The following CCR6 variants were observed in gnomAD, a reference collection of about 807,000 sequenced individuals.
CCR6 encodes C-C motif chemokine receptor 6.
CCR6 carries 2 observed loss-of-function variants against 3.0 expected under a neutral mutation model. That is an observed-to-expected ratio of 0.66 (90% confidence interval 0.27 to 2.07). CCR6 has a LOEUF of 2.07. Ranked by LOEUF, CCR6 falls within the 30% of genes most tolerant of loss-of-function variation. The pLI is 0.14. For synonymous variants in CCR6, 193 were observed against 184.3 expected (o/e 1.05, Z -0.38); for missense variants, 322 against 462.8 (o/e 0.70, Z 2.79).
intron 1 of CCR6, chr6:167,134,986 C>T (rs1039628166): frequency 2.6e-5 from 4 of 152,294 alleles, no homozygotes; most frequent in Non-Finnish European, 4.4e-5. Flanking sequence ...GCTCCACAAC[C>T]GCTCCAGCTC....
Position 167,137,051 on chromosome 6 carries a change from T to A in CCR6, c.821T>A (p.Leu274Gln). ...TGTCAGATTCCTCATAACATGGTCC[T>A]GCTTGTGACGGCTGCAAATTTGGGT... ...LACQIPHNMV[L>Q]LVTAANLGKM... Residue 274 changes from leucine to glutamine, a missense_variant, in exon 3 of 3, where the codon CTG (leucine) becomes CAG (glutamine). Leu to Gln is a moderately radical substitution (Grantham distance 113). Transcript: ENST00000341935. The surrounding 1 kb of genome is among the most constrained non-coding windows in gnomAD (Gnocchi z 4.6). 6.2e-7 allele frequency: 1 copy of A among 1,614,230 alleles called. No individual in the cohort carries two copies. Among genetic ancestry groups the A allele is most frequent in the Middle Eastern group, 1.6e-4 (1 of 6,062 alleles).
Position 167,136,380 on chromosome 6 carries a change from G to C in CCR6, c.150G>C (p.Pro50=). 6.2e-7 allele frequency: 1 copy of C among 1,614,110 alleles called. No individual in the cohort carries two copies. The highest frequency in any genetic ancestry group is 8.5e-7 in the Non-Finnish European group (1 of 1,180,006). Residue 50 remains proline (P), a synonymous_variant, in exon 3 of 3, where the codon CCG becomes CCC. Transcript: ENST00000341935. This position sits in a 1 kb window ranked among gnomAD's most constrained non-coding sequence, Gnocchi z 4.6. ...GGCAGTTCTCCAGGCTATTTGTACCGATTGCCTACTCCTTGATCTGTGTCT... is the reference window on the plus strand; with the variant it reads ...GGCAGTTCTCCAGGCTATTTGTACCCATTGCCTACTCCTTGATCTGTGTCT... The part of the protein sequence containing the change: ...EVRQFSRLFV[P]IAYSLICVFG...
Position 167,138,103 on chromosome 6 carries a change from CTT to C in CCR6, c.*749_*750del, listed in dbSNP as rs1169911539. On this transcript the variant is annotated 3_prime_UTR_variant, in exon 3 of 3. Transcript: ENST00000341935. ...GAGCTGTTCTCTGTCGTGAGTGTCTCTTGTCTAAACGTCCATTAAGCTGAGAG... is the reference window on the plus strand; with the variant it reads ...GAGCTGTTCTCTGTCGTGAGTGTCTCGTCTAAACGTCCATTAAGCTGAGAG... 1 of 152,336 alleles carries C rather than the reference CTT, an allele frequency of 6.6e-6. No homozygotes were observed. Among genetic ancestry groups the C allele is most frequent in the Non-Finnish European group, 1.5e-5 (1 of 68,062 alleles). 9.4% of individuals were successfully genotyped at this position (152,336 alleles called of 1,614,324 possible).
rs1390472440 is a variant in CCR6, at chr6:167,138,480, A to G, written c.*1125A>G. 6.6e-6 allele frequency: 1 copy of G among 152,318 alleles called. No individual in the cohort carries two copies. The highest frequency in any genetic ancestry group is 2.4e-5 in the African/African-American group (1 of 41,430). The allele number at this position is 152,318 out of a possible 1,614,324, so 9.4% of individuals were successfully genotyped here. A position where few individuals can be genotyped will look rare whatever the true frequency, so the allele number is the denominator to read the frequency against. On this transcript the variant is annotated 3_prime_UTR_variant, in exon 3 of 3. Transcript: ENST00000341935. ...TATGCTGGCTTCTGATAATTATTTT[A>G]AAGGGGTCTGAAATTTGTGATGGAA...
chr6:167,128,577 A>G (rs1781706979), intron 1 of CCR6, among the ~76,000 whole-genome samples: 1 of 152,032 alleles, frequency 6.6e-6, no homozygotes, highest in Admixed American at 6.6e-5. Flanking sequence ...TTGTATTTTT[A>G]TTTTTTATTT....
chr6:167,115,140 G>A (rs112279987), intron 1 of CCR6: 17 of 152,328 alleles, frequency 1.1e-4, no homozygotes, highest in Middle Eastern at 3.4e-3. Context: ...AGACAGCGGC[G>A]GGCTAATGGG....
intron 1 of CCR6, among the ~76,000 whole-genome samples, chr6:167,127,758 C>T (rs1022528948): frequency 3.9e-5 from 6 of 152,198 alleles, no homozygotes; most frequent in Non-Finnish European, 8.8e-5. Flanking sequence ...ACCTCAGCCT[C>T]CCAAGGTTCT....
At position 167,137,572 on chromosome 6, in the gene CCR6, T is replaced by G. The variant is rs990395012; in HGVS notation, c.*217T>G. 4 of 518,874 alleles carry G rather than the reference T, an allele frequency of 7.7e-6. No individual in the cohort carries two copies. The highest frequency in any genetic ancestry group is 5.7e-5 in the African/African-American group (3 of 52,588). The allele number at this position is 518,874 out of a possible 1,614,324, so 32.1% of individuals were successfully genotyped here. A position where few individuals can be genotyped will look rare whatever the true frequency, so the allele number is the denominator to read the frequency against. On this transcript the variant is annotated 3_prime_UTR_variant, in exon 3 of 3. Transcript: ENST00000341935. The surrounding 1 kb of genome is among the most constrained non-coding windows in gnomAD (Gnocchi z 4.6). Reference sequence around the variant, plus strand: ...TTTTCCAGCACTTTGCAAGGAATGTTTTGTAGCTCTAGGGTATATATCCGC... The same window carrying G: ...TTTTCCAGCACTTTGCAAGGAATGTGTTGTAGCTCTAGGGTATATATCCGC...
chr6:167,120,191 A>G (rs564284026), upstream of CCR6, among the ~76,000 whole-genome samples: 2 of 152,148 alleles, frequency 1.3e-5, no homozygotes, highest in East Asian at 1.9e-4. Context: ...AGGTACCATC[A>G]GAGAGTGGGT....
chr6:167,118,308 G>A (rs999628244), upstream of CCR6, among the ~76,000 whole-genome samples: 1 of 152,184 alleles, frequency 6.6e-6, no homozygotes, highest in African/African-American at 2.4e-5. Flanking sequence ...AAATCCTCGT[G>A]TATTGATTAG....
chr6:167,125,743 T>G (rs1329306304), intron 1 of CCR6, among the ~76,000 whole-genome samples: 1 of 152,242 alleles, frequency 6.6e-6, no homozygotes, highest in Non-Finnish European at 1.5e-5. Context: ...TTTTCATTTC[T>G]AAATGAATTA....
chr6:167,125,098 A>C (rs1781650913), intron 1 of CCR6, among the ~76,000 whole-genome samples: 1 of 151,746 alleles, frequency 6.6e-6, no homozygotes, highest in African/African-American at 2.4e-5. Flanking sequence ...AGACACATAC[A>C]TACACACACA....
At chr6:167,114,648 G>A (rs537109826) in intron 1 of CCR6, among the ~76,000 whole-genome samples, 1 of 152,336 alleles carries the variant, frequency 6.6e-6, no homozygotes, top group African/African-American at 2.4e-5. Flanking sequence ...CTGCTGTGAC[G>A]GCTGCTGTAA....
At chr6:167,116,761 C>G (rs975507628) in intron 1 of CCR6, 3 of 152,330 alleles carry the variant, frequency 2.0e-5, no homozygotes, top group Non-Finnish European at 4.4e-5. Context: ...AGGAGAAGGG[C>G]GACCGCCTCC....
chr6:167,134,082 T>C (rs1394418001), intron 1 of CCR6, among the ~76,000 whole-genome samples: 5 of 151,714 alleles, frequency 3.3e-5, no homozygotes, highest in Non-Finnish European at 5.9e-5. Context: ...AAAGAGTGTG[T>C]ATCATTTCTC....
upstream of CCR6, among the ~76,000 whole-genome samples, chr6:167,120,376 CT>C (rs1781567637): frequency 6.6e-6 from 1 of 152,216 alleles, no homozygotes; most frequent in Non-Finnish European, 1.5e-5. Flanking sequence ...CATTTACTAT[CT>C]TTTCAACTTT....
At chr6:167,122,966 G>A (rs1781611032), upstream of CCR6, 1 of 152,338 alleles carries the variant, frequency 6.6e-6, no homozygotes, top group Non-Finnish European at 1.5e-5. The surrounding 1 kb of genome is among the most constrained non-coding windows in gnomAD (Gnocchi z 4.2). Context: ...TTGATTCCAG[G>A]GATCCTACGA....
chr6:167,122,348 A>G (rs3093022), upstream of CCR6, among the ~76,000 whole-genome samples: 16,895 of 152,270 alleles, frequency 0.11, 1,967 homozygotes, highest in African/African-American at 0.3. This position sits in a 1 kb window ranked among gnomAD's most constrained non-coding sequence, Gnocchi z 4.2. Context: ...AAGCACTTGC[A>G]TCTACAAATA....
Position 167,130,979 on chromosome 6 carries a change from CT to C in CCR6, c.-97-5058del, listed in dbSNP as rs1562559626. ...CGGGACTCCTCCCTCTGGGACCACC[CT>C]CCCTCTGGACCCCCTCCCTTTGGGA... On this transcript the variant is annotated intron_variant, in intron 1 of 2. Transcript: ENST00000341935. Among the ~76,000 whole-genome samples the C allele has an allele frequency of 9.0e-3, 509 of 56,690 alleles. 11 individuals carry two copies. The highest frequency in any genetic ancestry group is 0.026 in the Middle Eastern group (3 of 114). The allele number at this position is 56,690 out of a possible 152,430, so 37.2% of individuals were successfully genotyped here. A position where few individuals can be genotyped will look rare whatever the true frequency, so the allele number is the denominator to read the frequency against.
Sources: allele counts gnomAD v4.1 joint callset (sites outside exome capture counted in the v4.1 genomes callset), GRCh38; gene constraint gnomAD v4.1.1; non-coding constraint Gnocchi (gnomAD v3.1); transcripts MANE v1.5; gene names NCBI Gene and HGNC (gene_info 2026-07-23, HGNC 2026-07-21).